Variants in ATP1B3 observed in about 807,000 individuals in gnomAD.
ATP1B3 encodes sodium/potassium-transporting ATPase subunit beta-3.
ATP1B3 carries 10 observed loss-of-function variants against 30.2 expected under a neutral mutation model. The observed-to-expected ratio is 0.33, with a 90% confidence interval of 0.20 to 0.56. The LOEUF (loss-of-function observed/expected upper bound fraction) is 0.56, where lower values mean the gene tolerates loss of function less well. Among genes scored for constraint, ATP1B3 ranks in the 20% least tolerant of loss-of-function variants. The pLI, the probability that ATP1B3 is intolerant of heterozygous loss-of-function variation, is 0.90. For synonymous variants in ATP1B3, 113 were observed against 117.0 expected, an observed-to-expected ratio of 0.97 and a Z score of 0.22; for missense variants, 238 against 336.7, an observed-to-expected ratio of 0.71 and a Z score of 2.29.
chr3:141,916,545 T>A, intron 5 of ATP1B3: 1 of 1,288,220 alleles, frequency 7.8e-7, no homozygotes, highest in Non-Finnish European at 1.0e-6. Context: ...ATGCTGCAAA[T>A]GCCACTAAGA....
chr3:141,908,489 T>C (rs777051856), intron 3 of ATP1B3, among the ~76,000 whole-genome samples: 6 of 152,180 alleles, frequency 3.9e-5, no homozygotes, highest in Non-Finnish European at 8.8e-5. Flanking sequence ...ATTTTTACTT[T>C]TACTGGTGCT....
intron 3 of ATP1B3, among the ~76,000 whole-genome samples, chr3:141,913,103 A>G (rs546508288): frequency 6.6e-6 from 1 of 152,158 alleles, no homozygotes; most frequent in Non-Finnish European, 1.5e-5. Context: ...CATAGTTTAC[A>G]AGACTCTATA....
intron 2 of ATP1B3, among the ~76,000 whole-genome samples, chr3:141,904,877 T>C (rs1934236182): frequency 6.6e-6 from 1 of 151,668 alleles, no homozygotes; most frequent in Non-Finnish European, 1.5e-5. Context: ...GCCCAGCTAA[T>C]TTTTTGTATT....
At position 141,925,738 on chromosome 3, in the gene ATP1B3, T is replaced by C; in HGVS notation, c.*37T>C. On this transcript the variant is annotated 3_prime_UTR_variant, in exon 7 of 7. Transcript: ENST00000286371. Reference sequence around the variant, plus strand: ...TATCTCCACAGAGTAAATGTTGTGTTGTCTGTCTTCATTTTGTAACAGCTG... The same window carrying C: ...TATCTCCACAGAGTAAATGTTGTGTCGTCTGTCTTCATTTTGTAACAGCTG... 6.3e-7 allele frequency: 1 copy of C among 1,583,858 alleles called. No homozygotes were observed. Among genetic ancestry groups the C allele is most frequent in the Non-Finnish European group, 8.6e-7 (1 of 1,166,398 alleles).
At chr3:141,890,585 G>C (rs1164311095) in intron 1 of ATP1B3, among the ~76,000 whole-genome samples, 1 of 151,640 alleles carries the variant, frequency 6.6e-6, no homozygotes, top group African/African-American at 2.4e-5. Flanking sequence ...TTACAGGCGT[G>C]AGCCACCACG....
intron 1 of ATP1B3, among the ~76,000 whole-genome samples, chr3:141,895,814 C>G (rs1479799816): frequency 1.3e-5 from 2 of 152,120 alleles, no homozygotes; most frequent in African/African-American, 2.4e-5. Flanking sequence ...AAAACAACAA[C>G]AGCAACAAAA....
intron 1 of ATP1B3, among the ~76,000 whole-genome samples, chr3:141,889,778 C>T (rs1182809765): frequency 8.5e-5 from 12 of 141,076 alleles, no homozygotes; most frequent in East Asian, 6.2e-4. Flanking sequence ...CACACACACA[C>T]ACACACACAC....
At chr3:141,898,006 G>A (rs1934100107) in intron 1 of ATP1B3, among the ~76,000 whole-genome samples, 1 of 152,176 alleles carries the variant, frequency 6.6e-6, no homozygotes, top group African/African-American at 2.4e-5. Context: ...CACTGTGCCT[G>A]GCCAACAAAT....
At chr3:141,906,399 CGACCTCCT>C (rs1399479822) in intron 2 of ATP1B3, among the ~76,000 whole-genome samples, 1 of 152,136 alleles carries the variant, frequency 6.6e-6, no homozygotes, top group Non-Finnish European at 1.5e-5. Flanking sequence ...AGGCTGGTCT[CGACCTCCT>C]GACCTCAAGT....
At chr3:141,899,492 T>A (rs1485271890) in intron 1 of ATP1B3, among the ~76,000 whole-genome samples, 2 of 152,190 alleles carry the variant, frequency 1.3e-5, no homozygotes, top group African/African-American at 4.8e-5. Flanking sequence ...TCTAGTCATG[T>A]GTTGAGGGGG....
intron 1 of ATP1B3, among the ~76,000 whole-genome samples, chr3:141,901,229 A>G (rs1934158167): frequency 6.6e-6 from 1 of 152,352 alleles, no homozygotes; most frequent in African/African-American, 2.4e-5. Context: ...GGCATGGCAC[A>G]TTGAATAGGT....
intron 6 of ATP1B3, among the ~76,000 whole-genome samples, chr3:141,924,884 C>T (rs1231012290): frequency 6.6e-6 from 1 of 152,028 alleles, no homozygotes; most frequent in Non-Finnish European, 1.5e-5. Flanking sequence ...ACCCGGGAGT[C>T]AGAGGTTGCA....
chr3:141,880,705 T>C (rs764395667), intron 1 of ATP1B3, among the ~76,000 whole-genome samples: 4 of 152,194 alleles, frequency 2.6e-5, no homozygotes, highest in Non-Finnish European at 4.4e-5. Flanking sequence ...TTTGTGTATT[T>C]TGCATATATA....
intron 1 of ATP1B3, among the ~76,000 whole-genome samples, chr3:141,900,193 G>T (rs1934135759): frequency 6.6e-6 from 1 of 152,038 alleles, no homozygotes; most frequent in Admixed American, 6.6e-5. Context: ...CCCCCAGAAA[G>T]ACCAAACCAA....
At chr3:141,890,281 G>T (rs1577959162) in intron 1 of ATP1B3, among the ~76,000 whole-genome samples, 1 of 69,454 alleles carries the variant, frequency 1.4e-5, no homozygotes, top group Non-Finnish European at 2.8e-5. Context: ...GTTTTTTTGT[G>T]GGGCTTTTTT....
intron 1 of ATP1B3, among the ~76,000 whole-genome samples, chr3:141,890,086 C>CTTTTT (rs1245235657): frequency 1.4e-4 from 15 of 107,550 alleles, no homozygotes; most frequent in African/African-American, 4.1e-4. Flanking sequence ...AATTTTTTTT[C>CTTTTT]TTTTTTTTTT....
intron 1 of ATP1B3, among the ~76,000 whole-genome samples, chr3:141,889,186 C>G (rs1357218599): frequency 6.6e-6 from 1 of 152,096 alleles, no homozygotes; most frequent in Non-Finnish European, 1.5e-5. Flanking sequence ...TCAGTCACCT[C>G]CCACCAGGCC....
Position 141,925,334 on chromosome 3 carries a change from G to A in ATP1B3, c.670-197G>A, listed in dbSNP as rs1328028837. ...AAAAATTAGTGGGCTGTGGCGGCAT[G>A]TGCCTATAGTCCCAGCTACTTAGGA... On this transcript the variant is annotated intron_variant, in intron 6 of 6. Coordinates refer to ENST00000286371, the MANE Select transcript of ATP1B3 (RefSeq NM_001679.4). Among the ~76,000 whole-genome samples, 8 of 152,014 alleles carry A rather than the reference G, an allele frequency of 5.3e-5. No homozygotes were observed. The East Asian group carries it at 5.8e-4, about 11-fold the overall frequency.
rs763940630 is a variant in ATP1B3 at position 141,913,729 on chromosome 3, G to T, written c.424G>T (p.Val142Phe). Residue 142 changes from valine (V) to phenylalanine (F), a missense_variant, in exon 4 of 7, where the codon GTT (valine) becomes TTT (phenylalanine). This residue lies in a region of ATP1B3 where 58 missense variants were observed against 125.6 expected (regional missense o/e 0.46). Coordinates refer to ENST00000286371, the MANE Select transcript of ATP1B3 (RefSeq NM_001679.4). ...TTTTGAACAGAAGGGTCCAGTTTAT[G>T]TTGCATGTCAGTTTCCTATTTCATT... ...ALFEQKGPVYVACQFPISLLQ... is the reference protein window; with the variant it reads ...ALFEQKGPVYFACQFPISLLQ... The T allele has an allele frequency of 4.3e-6, 7 of 1,613,930 alleles. No homozygotes were observed. The highest frequency in any genetic ancestry group is 2.5e-6 in the Non-Finnish European group (3 of 1,179,966).
Sources: allele counts gnomAD v4.1 joint callset (sites outside exome capture counted in the v4.1 genomes callset), GRCh38; gene constraint gnomAD v4.1.1; regional missense constraint gnomAD v4.1.1; transcripts MANE v1.5; gene names NCBI Gene and HGNC (gene_info 2026-07-23, HGNC 2026-07-21).